The following USP25 variants were observed in gnomAD, a reference collection of about 807,000 sequenced individuals.
The protein encoded by USP25 is ubiquitin carboxyl-terminal hydrolase 25.
USP25 carries 85 observed loss-of-function variants against 158.5 expected under a neutral mutation model. The observed-to-expected ratio is 0.54, with a 90% confidence interval of 0.45 to 0.64. The LOEUF is 0.64. Among genes scored for constraint, USP25 ranks in the 30% least tolerant of loss-of-function variants. USP25 has a pLI of 0.00. For missense variants in USP25, 1,242 were observed against 1,327.3 expected (o/e 0.94, Z 1.00); for synonymous variants, 464 against 460.4 (o/e 1.01, Z -0.10).
chr21:15,768,969 A>G (rs1284330516), intron 3 of USP25, among the ~76,000 whole-genome samples: 5 of 152,088 alleles, frequency 3.3e-5, no homozygotes, highest in Admixed American at 2.0e-4. Context: ...TACCAAATAC[A>G]TATACCTCTT....
rs148043977 is a variant in USP25 at position 15,777,532 on chromosome 21, G to A, written c.269-372G>A. On this transcript the variant is annotated intron_variant, in intron 3 of 25. Transcript: ENST00000400183. ...GACAGAATTTAATACGTATGTAATCGGGTTAACTTCAGAAAGCAGAAATGT... is the reference window on the plus strand; with the variant it reads ...GACAGAATTTAATACGTATGTAATCAGGTTAACTTCAGAAAGCAGAAATGT... 2.6e-3 allele frequency among the ~76,000 whole-genome samples: 392 copies of A among 152,188 alleles called. 1 individual carries two copies. The highest frequency in any genetic ancestry group is 4.6e-3 in the Non-Finnish European group (314 of 67,976).
At position 15,811,190 on chromosome 21, in the gene USP25, T is replaced by G. The variant is rs1204865347; in HGVS notation, c.911T>G (p.Leu304Arg). ...PMVELFYGRF[L>R]AVGVLEGKKF... ...GTAGAGTTGTTCTATGGCAGATTCCTGGCTGTGGGAGTACTTGAAGGTAGA... is the reference window on the plus strand; with the variant it reads ...GTAGAGTTGTTCTATGGCAGATTCCGGGCTGTGGGAGTACTTGAAGGTAGA... Residue 304 changes from leucine to arginine, a missense_variant, in exon 9 of 26, where the codon CTG becomes CGG. Leu to Arg is a moderately radical substitution (Grantham distance 102). Around this residue, in one of 3 missense-constraint regions of USP25, gnomAD observed 627 missense variants for 701.4 expected, o/e 0.89. Transcript: ENST00000400183. 1.2e-6 allele frequency: 2 copies of G among 1,613,132 alleles called. No homozygotes were observed. Among genetic ancestry groups the G allele is most frequent in the Admixed American group, 3.3e-5 (2 of 59,844 alleles).
At chr21:15,788,124 T>C (rs1014661352) in intron 4 of USP25, among the ~76,000 whole-genome samples, 1 of 152,064 alleles carries the variant, frequency 6.6e-6, no homozygotes, top group Middle Eastern at 3.4e-3. Flanking sequence ...GGCTTGCGAG[T>C]TTACCCTTCA....
At chr21:15,845,500 CTTT>C (rs2038540076) in intron 18 of USP25, among the ~76,000 whole-genome samples, 1 of 152,056 alleles carries the variant, frequency 6.6e-6, no homozygotes, top group Non-Finnish European at 1.5e-5. Flanking sequence ...TTTCTTCCCC[CTTT>C]CAGCTTTTAC....
chr21:15,869,831 T>C (rs1170905805), intron 22 of USP25, among the ~76,000 whole-genome samples: 1 of 152,200 alleles, frequency 6.6e-6, no homozygotes, highest in Non-Finnish European at 1.5e-5. Flanking sequence ...GTAAAATCTT[T>C]ATTGTTTAAA....
At chr21:15,762,752 A>T in intron 1 of USP25, 139 bp from the exon 2 acceptor site, 1 of 663,972 alleles carries the variant, frequency 1.5e-6, no homozygotes, top group Non-Finnish European at 2.5e-6. Flanking sequence ...GCCTTTCTCA[A>T]GTTCTTTTTC....
chr21:15,823,921 A>G, intron 10 of USP25, 118 bp from the exon 11 acceptor site: 2 of 983,446 alleles, frequency 2.0e-6, no homozygotes, highest in South Asian at 1.9e-5. Context: ...GTTACTTGTC[A>G]GGTCCGCATT....
intron 22 of USP25, among the ~76,000 whole-genome samples, chr21:15,869,496 TG>T (rs1422364311): frequency 6.6e-6 from 1 of 152,084 alleles, no homozygotes; most frequent in Admixed American, 6.6e-5. Context: ...ATAGTTGTTT[TG>T]GGGGTGGGGA....
chr21:15,809,481 T>TA (rs746591211), intron 8 of USP25, among the ~76,000 whole-genome samples: 9 of 151,996 alleles, frequency 5.9e-5, no homozygotes, highest in Non-Finnish European at 1.2e-4. Context: ...CCCCAACCCC[T>TA]ACTGACCCAA....
Position 15,827,223 on chromosome 21 carries a change from A to G in USP25, c.1693+20A>G. Reference sequence around the variant, plus strand: ...CCAGAGGTAAGAAGTGTCTCATAGCATGGTTACTGTCACCTCAGATGGATA... The same window carrying G: ...CCAGAGGTAAGAAGTGTCTCATAGCGTGGTTACTGTCACCTCAGATGGATA... On this transcript the variant is annotated intron_variant, in intron 14 of 25. Coordinates refer to ENST00000400183, the MANE Select transcript of USP25 (RefSeq NM_001283041.3). The G allele has an allele frequency of 2.5e-6, 4 of 1,591,588 alleles. No individual in the cohort carries two copies. The highest frequency in any genetic ancestry group is 3.4e-6 in the Non-Finnish European group (4 of 1,159,960).
At chr21:15,784,275 T>A (rs1180056165) in intron 4 of USP25, among the ~76,000 whole-genome samples, 1 of 152,098 alleles carries the variant, frequency 6.6e-6, no homozygotes, top group Non-Finnish European at 1.5e-5. Flanking sequence ...AAGGAACACA[T>A]GAAAGATAAA....
At chr21:15,754,319 G>A (rs180991271) in intron 1 of USP25, among the ~76,000 whole-genome samples, 285 of 152,278 alleles carry the variant, frequency 1.9e-3, no homozygotes, top group African/African-American at 6.4e-3. Flanking sequence ...CACATCTGCA[G>A]GCTCTGCTGT....
chr21:15,738,941 G>C (rs1341089418), intron 1 of USP25, among the ~76,000 whole-genome samples: 6 of 152,054 alleles, frequency 3.9e-5, no homozygotes, highest in African/African-American at 1.5e-4. Context: ...CATACCCCCT[G>C]CTTGCTCATT....
intron 20 of USP25, among the ~76,000 whole-genome samples, chr21:15,857,085 C>T (rs2823509): frequency 6.6e-6 from 1 of 152,066 alleles, no homozygotes; most frequent in Non-Finnish European, 1.5e-5. Context: ...AGGTTTAAAT[C>T]CTAACATTAT....
chr21:15,877,777 T>G lies in USP25; in HGVS notation c.3010-19T>G. 5 of 1,551,240 alleles carry G rather than the reference T, an allele frequency of 3.2e-6. No individual in the cohort carries two copies. The highest frequency in any genetic ancestry group is 4.3e-6 in the Non-Finnish European group (5 of 1,149,818). On this transcript the variant is annotated intron_variant, in intron 24 of 25. Transcript: ENST00000400183. ...GGAAACAAAAACCTATTCTTTTTTT[T>G]TTCCTGCATTGCATTAAGAAATTAA...
chr21:15,740,564 A>T (rs1568745355), intron 1 of USP25, among the ~76,000 whole-genome samples: 1 of 150,510 alleles, frequency 6.6e-6, no homozygotes, highest in Non-Finnish European at 1.5e-5. Flanking sequence ...AGGCACAAAT[A>T]AGTTGAATCG....
rs1568924246 is a variant in USP25 at position 15,878,493 on chromosome 21, A to G, written c.*18A>G. Reference sequence around the variant, plus strand: ...GAAGATAAACTGCACACTTTCCCTGAACACACTGTATAAACTCTTTTTAGT... The same window carrying G: ...GAAGATAAACTGCACACTTTCCCTGGACACACTGTATAAACTCTTTTTAGT... On this transcript the variant is annotated 3_prime_UTR_variant, in exon 26 of 26. Transcript: ENST00000400183. 6.2e-7 allele frequency: 1 copy of G among 1,613,050 alleles called. No homozygotes were observed. Among genetic ancestry groups the G allele is most frequent in the Middle Eastern group, 1.7e-4 (1 of 6,052 alleles).
rs1354246834 is a variant in USP25, at chr21:15,777,929, T to C, written c.294T>C (p.Asp98=). The change falls in exon 4 of 26, where the codon GAT becomes GAC. Residue 98 remains aspartate (D), a synonymous_variant. Coordinates refer to ENST00000400183, the MANE Select transcript of USP25 (RefSeq NM_001283041.3). ...DTNVIDLTGD[D]KDDLQRAIAL... ...ATGTGATTGATCTCACTGGAGATGA[T>C]AAAGATGATCTTCAGAGAGCAATTG... The C allele has an allele frequency of 3.1e-6, 5 of 1,611,286 alleles. No individual in the cohort carries two copies. In the East Asian group the frequency reaches 8.9e-5, roughly 29 times the overall value.
chr21:15,772,667 A>G (rs1311319794), intron 3 of USP25, among the ~76,000 whole-genome samples: 1 of 152,230 alleles, frequency 6.6e-6, no homozygotes. Context: ...TCTGAGCGCT[A>G]GTTTTTATTA....
Sources: gnomAD v4.1 joint callset for allele counts (sites outside exome capture counted in the v4.1 genomes callset) on GRCh38, gnomAD v4.1.1 for gene constraint, gnomAD v4.1.1 regional missense constraint, MANE v1.5 for transcripts, NCBI Gene and HGNC (gene_info 2026-07-23, HGNC 2026-07-21) for gene names.